Variants in AUTS2 observed in about 807,000 individuals in gnomAD.
AUTS2 encodes autism susceptibility gene 2 protein.
In AUTS2, 17 loss-of-function variants were observed where a neutral mutation model predicts 112.4. The ratio of observed to expected loss-of-function variants is 0.15; its 90% confidence interval spans 0.10 to 0.23. The LOEUF is 0.23. Among genes scored for constraint, AUTS2 ranks in the 10% least tolerant of loss-of-function variants. The pLI, the probability that AUTS2 is intolerant of heterozygous loss-of-function variation, is 1.00. For missense variants in AUTS2, 1,510 were observed against 1,701.6 expected (o/e 0.89, Z 1.98); for synonymous variants, 751 against 702.7 (o/e 1.07, Z -1.09).
intron 5 of AUTS2, among the ~76,000 whole-genome samples, chr7:70,599,556 A>G (rs1364208578): frequency 1.3e-5 from 2 of 152,206 alleles, no homozygotes; most frequent in Non-Finnish European, 2.9e-5. Flanking sequence ...AGAATCTGCG[A>G]CAGGTTCCCC....
At chr7:70,358,177 G>T (rs1326465699) in intron 4 of AUTS2, among the ~76,000 whole-genome samples, 1 of 152,180 alleles carries the variant, frequency 6.6e-6, no homozygotes, top group Non-Finnish European at 1.5e-5. Flanking sequence ...TATGCCAATA[G>T]TATTTTCTTA....
chr7:70,166,070 C>T (rs920893993), intron 4 of AUTS2, among the ~76,000 whole-genome samples: 1 of 152,140 alleles, frequency 6.6e-6, no homozygotes, highest in African/African-American at 2.4e-5. Flanking sequence ...CCTTCACCTT[C>T]TGCCATGATT....
chr7:69,722,902 C>G (rs967993765), intron 1 of AUTS2, among the ~76,000 whole-genome samples: 1 of 152,036 alleles, frequency 6.6e-6, no homozygotes, highest in Admixed American at 6.6e-5. Context: ...TACTCACACC[C>G]ATTTCCAGAG....
chr7:70,306,061 T>C (rs554426175), intron 4 of AUTS2, among the ~76,000 whole-genome samples: 112 of 152,090 alleles, frequency 7.4e-4, no homozygotes, highest in African/African-American at 2.6e-3. Flanking sequence ...AAATTTAATG[T>C]TTTATTTGGG....
intron 4 of AUTS2, among the ~76,000 whole-genome samples, chr7:70,276,017 C>T (rs916435375): frequency 2.6e-5 from 4 of 152,168 alleles, no homozygotes; most frequent in African/African-American, 7.2e-5. Context: ...TGTCTGTCCT[C>T]CTCTGCCTCC....
intron 4 of AUTS2, among the ~76,000 whole-genome samples, chr7:70,215,322 A>T (rs545971974): frequency 1.1e-4 from 17 of 152,284 alleles, no homozygotes; most frequent in Middle Eastern, 3.4e-3. Context: ...TGTTGTTGTT[A>T]TAGCTGTTCA....
chr7:69,984,144 G>A (rs1239631508), intron 2 of AUTS2, among the ~76,000 whole-genome samples: 5 of 152,282 alleles, frequency 3.3e-5, no homozygotes, highest in East Asian at 1.9e-4. Flanking sequence ...TCTGCTGGGC[G>A]CAGTGGCTCA....
chr7:70,685,452 G>A, intron 5 of AUTS2, among the ~76,000 whole-genome samples: 1 of 127,442 alleles, frequency 7.8e-6, no homozygotes, highest in South Asian at 2.7e-4. Context: ...CAGCCTGAGT[G>A]ACAGAGCAAG....
At chr7:70,120,129 A>G (rs1370940543) in intron 3 of AUTS2, 1 of 152,150 alleles carries the variant, frequency 6.6e-6, no homozygotes, top group Non-Finnish European at 1.5e-5. Flanking sequence ...TGATAATACC[A>G]CATCCATCTC....
chr7:70,568,203 G>A (rs1428295992), intron 5 of AUTS2, among the ~76,000 whole-genome samples: 2 of 152,200 alleles, frequency 1.3e-5, no homozygotes, highest in African/African-American at 4.8e-5. Flanking sequence ...TTCTTGGGGA[G>A]ACTGTTTTAT....
chr7:69,868,663 G>C (rs887937751), intron 1 of AUTS2, among the ~76,000 whole-genome samples: 5 of 152,166 alleles, frequency 3.3e-5, no homozygotes, highest in African/African-American at 9.7e-5. Context: ...GTTCTGATTT[G>C]ATTCTCCTGA....
intron 4 of AUTS2, among the ~76,000 whole-genome samples, chr7:70,217,042 A>G (rs957537145): frequency 2.0e-5 from 3 of 152,054 alleles, no homozygotes; most frequent in Non-Finnish European, 2.9e-5. Context: ...GACGTCTTAC[A>G]TAGGCGTATT....
chr7:70,079,806 A>C (rs1449216436), intron 2 of AUTS2, among the ~76,000 whole-genome samples: 1 of 152,162 alleles, frequency 6.6e-6, no homozygotes, highest in South Asian at 2.1e-4. Context: ...GAACACCGCA[A>C]ACTGAGTAAT....
intron 1 of AUTS2, among the ~76,000 whole-genome samples, chr7:69,839,775 G>A (rs1791891036): frequency 6.6e-6 from 1 of 152,134 alleles, no homozygotes; most frequent in Non-Finnish European, 1.5e-5. Flanking sequence ...CGAATGGTCT[G>A]CTAGCCACCT....
intron 6 of AUTS2, among the ~76,000 whole-genome samples, chr7:70,752,273 A>T (rs971250606): frequency 7.9e-5 from 12 of 152,172 alleles, no homozygotes; most frequent in African/African-American, 2.9e-4. Context: ...ACAAACAAAA[A>T]GTGGGGCCGT....
chr7:70,051,489 G>A (rs558217070), intron 2 of AUTS2, among the ~76,000 whole-genome samples: 1 of 152,266 alleles, frequency 6.6e-6, no homozygotes, highest in African/African-American at 2.4e-5. Context: ...GGCCGAGGCA[G>A]GTGGATCACC....
intron 6 of AUTS2, among the ~76,000 whole-genome samples, chr7:70,738,912 C>T (rs1787930069): frequency 6.6e-6 from 1 of 151,456 alleles, no homozygotes; most frequent in South Asian, 2.1e-4. Flanking sequence ...ATTCAAAACC[C>T]TCCCATCCCC....
chr7:70,286,792 T>C (rs758946569), intron 4 of AUTS2, among the ~76,000 whole-genome samples: 2 of 152,148 alleles, frequency 1.3e-5, no homozygotes, highest in Non-Finnish European at 2.9e-5. Flanking sequence ...AAAGCTACCA[T>C]AGGGATCATG....
At chr7:70,061,254 G>A (rs568080725) in intron 2 of AUTS2, among the ~76,000 whole-genome samples, 31 of 152,124 alleles carry the variant, frequency 2.0e-4, no homozygotes, top group Non-Finnish European at 3.5e-4. Flanking sequence ...AATCATGTCT[G>A]TGAAGTCCCT....
Sources: gnomAD v4.1 joint callset for allele counts (sites outside exome capture counted in the v4.1 genomes callset) on GRCh38, gnomAD v4.1.1 for gene constraint, MANE v1.5 for transcripts, NCBI Gene and HGNC (gene_info 2026-07-23, HGNC 2026-07-21) for gene names.